Variants in MISP observed in about 807,000 individuals in gnomAD.
MISP encodes the protein mitotic spindle positioning.
MISP carries 51 observed loss-of-function variants against 49.3 expected under a neutral mutation model. The observed-to-expected ratio is 1.03, with a 90% confidence interval of 0.83 to 1.31. MISP has a LOEUF of 1.31. Ranked by LOEUF, MISP falls within the 50% of genes most tolerant of loss-of-function variation. The pLI, the probability that MISP is intolerant of heterozygous loss-of-function variation, is 0.00. For missense variants in MISP, 1,084 were observed against 935.1 expected, an observed-to-expected ratio of 1.16 and a Z score of -2.08; for synonymous variants, 444 against 392.6, an observed-to-expected ratio of 1.13 and a Z score of -1.55.
chr19:758,505 C>T lies in MISP; in HGVS notation c.1559C>T (p.Ala520Val), dbSNP rs1013200197. The change falls in exon 2 of 5, where the codon GCC (alanine) becomes GTC (valine). Residue 520 changes from alanine to valine, a missense_variant. Physicochemically the swap from Ala to Val is moderately conservative, Grantham distance 64 (BLOSUM62 0). Coordinates refer to ENST00000215582, the MANE Select transcript of MISP (RefSeq NM_173481.4). ...AGGGCCCCAGACGAGCCCCAGCAGG[C>T]CCAAGTCCCCCATGTCTGGGGCTGG... ...RFRAPDEPQQAQVPHVWGWEV... is the reference protein window; with the variant it reads ...RFRAPDEPQQVQVPHVWGWEV... The T allele has an allele frequency of 1.9e-6, 3 of 1,613,972 alleles. No homozygotes were observed. The highest frequency in any genetic ancestry group is 1.7e-5 in the Admixed American group (1 of 60,004).
At chr19:755,133 T>A (rs1463555783) in intron 1 of MISP, among the ~76,000 whole-genome samples, 11 of 151,730 alleles carry the variant, frequency 7.2e-5, no homozygotes, top group Non-Finnish European at 1.6e-4. Flanking sequence ...AGGAGCAGGG[T>A]GTGAGAACTG....
chr19:761,644 CG>C lies in MISP; in HGVS notation c.1933del (p.Asp645ThrfsTer13). 6.2e-7 allele frequency: 1 copy of C among 1,614,110 alleles called. No homozygotes were observed. The highest frequency in any genetic ancestry group is 8.5e-7 in the Non-Finnish European group (1 of 1,180,014). On this transcript the variant is annotated frameshift_variant, in exon 4 of 5. Coordinates refer to ENST00000215582, the MANE Select transcript of MISP (RefSeq NM_173481.4). LOFTEE classifies it low-confidence loss of function (END_TRUNC). Reference sequence around the variant, plus strand: ...CTGTAGTACGCTGGCATCAACCCCTCGGACGGTATCAACTCAGAGGTGAGTA... The same window carrying C: ...CTGTAGTACGCTGGCATCAACCCCTCGACGGTATCAACTCAGAGGTGAGTA... ...KEQWYAGINP[S>X]DGINSEVLEA...
Position 758,091 on chromosome 19 carries a change from C to T in MISP, c.1145C>T (p.Ser382Leu), listed in dbSNP as rs201182924. 4.7e-5 allele frequency: 75 copies of T among 1,587,350 alleles called. No homozygotes were observed. Among genetic ancestry groups the T allele is most frequent in the Admixed American group, 3.8e-4 (22 of 57,660 alleles). The change falls in exon 2 of 5, where the codon TCG (serine) becomes TTG (leucine). Residue 382 changes from serine (S) to leucine (L), a missense_variant. Transcript: ENST00000215582. ...CGGGCGTCCACACCCGACTGGGTCT[C>T]GGAGGGTCCCCAGCCCGGACTCCGG... ...VGRASTPDWV[S>L]EGPQPGLRRA...
At chr19:752,690 C>T (rs1472322872) in intron 1 of MISP, among the ~76,000 whole-genome samples, 1 of 2,044 alleles carries the variant, frequency 4.9e-4, no homozygotes, top group Non-Finnish European at 1.1e-3. Flanking sequence ...CCCCACCCAA[C>T]CCCGACCCCA....
At chr19:750,451 C>T (rs189970634), upstream of MISP, among the ~76,000 whole-genome samples, 201 of 152,206 alleles carry the variant, frequency 1.3e-3, no homozygotes, top group East Asian at 6.0e-3. Context: ...CCGCCCGCCT[C>T]GGCCTCCCAA....
upstream of MISP, among the ~76,000 whole-genome samples, chr19:748,550 G>C (rs2033410856): frequency 6.6e-6 from 1 of 152,136 alleles, no homozygotes; most frequent in South Asian, 2.1e-4. Context: ...GCTGTGGGGG[G>C]GCAGGACTGG....
At chr19:763,478 G>A in intron 4 of MISP, 23 bp from the exon 5 acceptor site, 2 of 1,582,264 alleles carry the variant, frequency 1.3e-6, no homozygotes, top group Non-Finnish European at 1.7e-6. Context: ...TGGATCGGGG[G>A]AATTCATGCC....
At chr19:753,319 C>A (rs554521305) in intron 1 of MISP, among the ~76,000 whole-genome samples, 4 of 152,206 alleles carry the variant, frequency 2.6e-5, no homozygotes, top group Admixed American at 2.6e-4. Context: ...ACGGTCTCTC[C>A]ACTTTATGCT....
In MISP at chr19:753,321, C is replaced by T. The variant is rs140152554; in HGVS notation, c.-58+2150C>T. On this transcript the variant is annotated intron_variant, in intron 1 of 4. Coordinates refer to ENST00000215582, the MANE Select transcript of MISP (RefSeq NM_173481.4). ...AACACGGCTCCCCACGGTCTCTCCA[C>T]TTTATGCTGTTTGATGCCACTTTCC... 3.0e-3 allele frequency among the ~76,000 whole-genome samples: 458 copies of T among 152,052 alleles called. 2 individuals carry two copies. Among genetic ancestry groups the T allele is most frequent in the African/African-American group, 0.011 (437 of 41,468 alleles).
In MISP at chr19:758,536, G is replaced by A. The variant is rs765448182; in HGVS notation, c.1590G>A (p.Val530=). 1 of 1,614,162 alleles carries A rather than the reference G, an allele frequency of 6.2e-7. No homozygotes were observed. Among genetic ancestry groups the A allele is most frequent in the Admixed American group, 1.7e-5 (1 of 60,028 alleles). ...TCCCCCATGTCTGGGGCTGGGAGGTGGCTGGGGCCCCTGCACTGAGGCTGC... is the reference window on the plus strand; with the variant it reads ...TCCCCCATGTCTGGGGCTGGGAGGTAGCTGGGGCCCCTGCACTGAGGCTGC... ...AQVPHVWGWE[V]AGAPALRLQK... The change falls in exon 2 of 5, where the codon GTG becomes GTA. Residue 530 remains valine, a synonymous_variant. Transcript: ENST00000215582.
At chr19:750,819 T>A (rs1006918417), upstream of MISP, among the ~76,000 whole-genome samples, 3 of 152,158 alleles carry the variant, frequency 2.0e-5, no homozygotes, top group Non-Finnish European at 2.9e-5. Context: ...CCTGGACACC[T>A]GCTGACCCTC....
intron 1 of MISP, among the ~76,000 whole-genome samples, chr19:756,184 G>A (rs955167602): frequency 6.6e-6 from 1 of 152,174 alleles, no homozygotes; most frequent in Non-Finnish European, 1.5e-5. Flanking sequence ...GGGCATTTAC[G>A]TCCCCAGCAA....
chr19:750,185 GTTCTTTTT>G (rs2033437914), upstream of MISP, among the ~76,000 whole-genome samples: 1 of 115,126 alleles, frequency 8.7e-6, no homozygotes, highest in Non-Finnish European at 1.8e-5. Context: ...GCCTCGTGCG[GTTCTTTTT>G]TTTTTTTTTT....
rs374951703 is a variant in MISP, at chr19:762,242, G to T, written c.1950+579G>T. Among the ~76,000 whole-genome samples the T allele has an allele frequency of 2.4e-3, 353 of 146,180 alleles. 2 individuals are homozygous for T. The highest frequency in any genetic ancestry group is 8.2e-3 in the African/African-American group (322 of 39,126). ...GCTGGGATTACAGGCGCGAGCCACC[G>T]CGCCCGGCCAAGGCAATGTTTTTTT... On this transcript the variant is annotated intron_variant, in intron 4 of 4. Coordinates refer to ENST00000215582, the MANE Select transcript of MISP (RefSeq NM_173481.4).
intron 3 of MISP, 44 bp from the exon 4 acceptor site, chr19:761,581 G>A (rs781399820): frequency 6.2e-7 from 1 of 1,611,146 alleles, no homozygotes; most frequent in South Asian, 1.1e-5. Flanking sequence ...TCTGCACCGG[G>A]CAGGGCAGAA....
In MISP at chr19:753,544, C is replaced by A. The variant is rs557055671; in HGVS notation, c.-58+2373C>A. Reference sequence around the variant, plus strand: ...GGGACTACAGGCGCCCGCCAGCACACCCGGTTAATTTTTTTTGTATTTTTA... The same window carrying A: ...GGGACTACAGGCGCCCGCCAGCACAACCGGTTAATTTTTTTTGTATTTTTA... On this transcript the variant is annotated intron_variant, in intron 1 of 4. Transcript: ENST00000215582. 1.3e-4 allele frequency among the ~76,000 whole-genome samples: 20 copies of A among 151,798 alleles called. 1 individual carries two copies. In the South Asian group the frequency reaches 3.8e-3, roughly 29 times the overall value.
Position 757,217 on chromosome 19 carries a change from G to T in MISP, c.271G>T (p.Gly91Cys), listed in dbSNP as rs2033565415. 1.9e-6 allele frequency: 3 copies of T among 1,613,764 alleles called. No homozygotes were observed. The highest frequency in any genetic ancestry group is 2.5e-6 in the Non-Finnish European group (3 of 1,179,996). Residue 91 changes from glycine to cysteine, a missense_variant, in exon 2 of 5, where the codon GGT (glycine) becomes TGT (cysteine). Coordinates refer to ENST00000215582, the MANE Select transcript of MISP (RefSeq NM_173481.4). The part of the protein sequence containing the change: ...GLHSENREDE[G>C]WQVYRLGARD... ...CCACTCGGAGAACAGGGAGGATGAG[G>T]GTTGGCAGGTTTACCGCCTGGGCGC...
At chr19:759,175 C>G (rs1402719871) in intron 2 of MISP, among the ~76,000 whole-genome samples, 1 of 151,830 alleles carries the variant, frequency 6.6e-6, no homozygotes, top group Non-Finnish European at 1.5e-5. Flanking sequence ...AGGTGCCCAC[C>G]ACCACTCCCG....
intron 1 of MISP, among the ~76,000 whole-genome samples, chr19:751,869 T>A (rs1256161319): frequency 6.6e-6 from 1 of 152,198 alleles, no homozygotes; most frequent in Non-Finnish European, 1.5e-5. Flanking sequence ...CCCTTCTGCA[T>A]GGCCTCCTTG....
Sources: gnomAD v4.1 joint callset for allele counts (sites outside exome capture counted in the v4.1 genomes callset) on GRCh38, gnomAD v4.1.1 for gene constraint, MANE v1.5 for transcripts, NCBI Gene and HGNC (gene_info 2026-07-23, HGNC 2026-07-21) for gene names.